The following GNAI1 variants were observed in gnomAD, a reference collection of about 807,000 sequenced individuals.
The protein encoded by GNAI1 is guanine nucleotide-binding protein G(i) subunit alpha-1.
In GNAI1, 11 loss-of-function variants were observed where a neutral mutation model predicts 38.9. That is an observed-to-expected ratio of 0.28 (90% confidence interval 0.18 to 0.47). GNAI1 has a LOEUF of 0.47. GNAI1 is among the 20% of genes least tolerant of loss of function. GNAI1 has a pLI of 0.99. For missense variants in GNAI1, 317 were observed against 436.9 expected (o/e 0.73, Z 2.45); for synonymous variants, 166 against 145.1 (o/e 1.14, Z -1.04).
chr7:80,145,432 C>A (rs1346667359), intron 1 of GNAI1, among the ~76,000 whole-genome samples: 1 of 152,106 alleles, frequency 6.6e-6, no homozygotes, highest in Non-Finnish European at 1.5e-5. Flanking sequence ...TTGGGCTTCT[C>A]ATTCGAACTT....
chr7:80,136,103 A>C, intron 1 of GNAI1: 1 of 926,392 alleles, frequency 1.1e-6, no homozygotes, highest in Non-Finnish European at 1.3e-6. Flanking sequence ...TGTTCTTAGC[A>C]CTGTTCTGTT....
In GNAI1 at chr7:80,224,125, ACTC is replaced by A. The variant is rs1204268113; in HGVS notation, c.*6637_*6639del. ...TAGTAAGATTTACTCAAAACCACGA[ACTC>A]CTCCATTATTTAAAATATGTTAGAG... On this transcript the variant is annotated 3_prime_UTR_variant, in exon 8 of 8. Transcript: ENST00000649796. 1.4e-4 allele frequency among the ~76,000 whole-genome samples: 22 copies of A among 152,166 alleles called. No individual in the cohort carries two copies. Among genetic ancestry groups the A allele is most frequent in the Non-Finnish European group, 7.4e-5 (5 of 67,998 alleles).
chr7:80,203,393 G>A (rs1328704783), intron 4 of GNAI1, among the ~76,000 whole-genome samples: 1 of 151,764 alleles, frequency 6.6e-6, no homozygotes, highest in East Asian at 1.9e-4. Context: ...CTCATGGTGT[G>A]TATTAGCTTT....
In GNAI1 at chr7:80,218,333, A is replaced by G. The variant is rs1203923874; in HGVS notation, c.*840A>G. The stretch of plus-strand genomic sequence containing the variant: ...CTCTGAATTTTAATATTTGGCTGAT[A>G]TGAATGCATTGCCTCAAAGGTGATG... On this transcript the variant is annotated 3_prime_UTR_variant, in exon 8 of 8. Transcript: ENST00000649796. 1 of 152,120 alleles carries G rather than the reference A, an allele frequency of 6.6e-6. No homozygotes were observed. Among genetic ancestry groups the G allele is most frequent in the Non-Finnish European group, 1.5e-5 (1 of 68,000 alleles). The allele number at this position is 152,120 out of a possible 1,614,324, so 9.4% of individuals were successfully genotyped here.
At position 80,135,087 on chromosome 7, in the gene GNAI1, G is replaced by T; in HGVS notation, c.-74G>T. On this transcript the variant is annotated 5_prime_UTR_variant, in exon 1 of 8. Transcript: ENST00000649796. ...GCGTTCGAACGCCCGCTAGGAGAGAGAAAGGATTCCCCTGTGCTTGGAGCC... is the reference window on the plus strand; with the variant it reads ...GCGTTCGAACGCCCGCTAGGAGAGATAAAGGATTCCCCTGTGCTTGGAGCC... The T allele has an allele frequency of 9.7e-7, 1 of 1,028,026 alleles. No homozygotes were observed. Among genetic ancestry groups the T allele is most frequent in the Non-Finnish European group, 1.3e-6 (1 of 745,838 alleles). The allele number at this position is 1,028,026 out of a possible 1,614,324, so 63.7% of individuals were successfully genotyped here.
intron 4 of GNAI1, among the ~76,000 whole-genome samples, chr7:80,202,287 A>G (rs1788701457): frequency 6.6e-6 from 1 of 152,062 alleles, no homozygotes; most frequent in African/African-American, 2.4e-5. Context: ...ACTGGGTTTC[A>G]CCATGTTGGC....
Position 80,219,088 on chromosome 7 carries a change from C to T in GNAI1, c.*1595C>T, listed in dbSNP as rs1225696930. The T allele has an allele frequency of 6.8e-6, 1 of 147,444 alleles. No homozygotes were observed. Among genetic ancestry groups the T allele is most frequent in the East Asian group, 2.0e-4 (1 of 4,936 alleles). 9.1% of individuals were successfully genotyped at this position (147,444 alleles called of 1,614,324 possible). A position where few individuals can be genotyped will look rare whatever the true frequency, so the allele number is the denominator to read the frequency against. On this transcript the variant is annotated 3_prime_UTR_variant, in exon 8 of 8. Transcript: ENST00000649796. Reference sequence around the variant, plus strand: ...CCATAAACTATATTCATATCTGTTTCATTTGGAGGATTTTCTTCTTTGTAA... The same window carrying T: ...CCATAAACTATATTCATATCTGTTTTATTTGGAGGATTTTCTTCTTTGTAA...
intron 5 of GNAI1, 92 bp from the exon 6 acceptor site, chr7:80,210,877 A>G: frequency 1.9e-6 from 2 of 1,071,400 alleles, no homozygotes; most frequent in Non-Finnish European, 2.8e-6. Flanking sequence ...ACATTTCCAC[A>G]ACTATTCAGA....
chr7:80,212,971 T>A, intron 7 of GNAI1, 102 bp downstream of exon 7: 2 of 807,072 alleles, frequency 2.5e-6, no homozygotes, highest in South Asian at 1.8e-5. Context: ...CTTGGCTTAG[T>A]GATTCTTAGA....
At position 80,142,981 on chromosome 7, in the gene GNAI1, G is replaced by A. The variant is rs1010543265; in HGVS notation, c.118+7703G>A. Among the ~76,000 whole-genome samples the A allele has an allele frequency of 3.3e-5, 5 of 152,194 alleles. No individual in the cohort carries two copies. In the East Asian group the frequency reaches 9.6e-4, roughly 29 times the overall value. ...CTTAAAATGCATACACTATTGCAAT[G>A]TGGCATTTAATATATACTCACAACT... On this transcript the variant is annotated intron_variant, in intron 1 of 7. Transcript: ENST00000649796.
At position 80,217,359 on chromosome 7, in the gene GNAI1, A is replaced by G. The variant is rs372256817; in HGVS notation, c.931A>G (p.Asn311Asp). The G allele has an allele frequency of 6.2e-7, 1 of 1,607,038 alleles. No individual in the cohort carries two copies. The highest frequency in any genetic ancestry group is 8.5e-7 in the Non-Finnish European group (1 of 1,175,914). Reference sequence around the variant, plus strand: ...TATTCAATGTCAGTTTGAAGACCTCAATAAAAGAAAGGACACAAAGGAAAT... The same window carrying G: ...TATTCAATGTCAGTTTGAAGACCTCGATAAAAGAAAGGACACAAAGGAAAT... Reference protein sequence around the residue: ...AYIQCQFEDLNKRKDTKEIYT... With the variant: ...AYIQCQFEDLDKRKDTKEIYT... Residue 311 changes from asparagine to aspartate, a missense_variant, in exon 8 of 8, where the codon AAT (asparagine) becomes GAT (aspartate). By Grantham distance (23) the Asn-to-Asp change is conservative. Transcript: ENST00000649796.
intron 1 of GNAI1, among the ~76,000 whole-genome samples, chr7:80,139,279 T>G (rs1787481581): frequency 6.6e-6 from 1 of 152,198 alleles, no homozygotes. Context: ...CTCTCTTGCA[T>G]CTTGTCTTTC....
chr7:80,161,144 C>A (rs1787917837), intron 1 of GNAI1, among the ~76,000 whole-genome samples: 1 of 152,168 alleles, frequency 6.6e-6, no homozygotes, highest in African/African-American at 2.4e-5. Flanking sequence ...TGAGATTCTT[C>A]ATGATATTAG....
rs557080846 is a variant in GNAI1 at position 80,217,662 on chromosome 7, C to G, written c.*169C>G. The G allele has an allele frequency of 5.4e-5, 24 of 445,602 alleles. 1 individual carries two copies. In the South Asian group the frequency reaches 1.0e-3, roughly 19 times the overall value. 27.6% of individuals were successfully genotyped at this position (445,602 alleles called of 1,614,324 possible). Reference sequence around the variant, plus strand: ...TTTTTAACTGAAAGTAACAGAAGGACCTTTCTTAAATGTGACAGATGGTCC... The same window carrying G: ...TTTTTAACTGAAAGTAACAGAAGGAGCTTTCTTAAATGTGACAGATGGTCC... On this transcript the variant is annotated 3_prime_UTR_variant, in exon 8 of 8. Coordinates refer to ENST00000649796, the MANE Select transcript of GNAI1 (RefSeq NM_002069.6).
intron 4 of GNAI1, among the ~76,000 whole-genome samples, chr7:80,200,779 C>T (rs183270451): frequency 8.3e-5 from 12 of 144,358 alleles, no homozygotes; most frequent in Admixed American, 3.4e-4. Flanking sequence ...CTTGTATTAA[C>T]CATATGTATT....
At chr7:80,187,868 T>G (rs374483109) in intron 1 of GNAI1, among the ~76,000 whole-genome samples, 2 of 152,304 alleles carry the variant, frequency 1.3e-5, no homozygotes, top group African/African-American at 4.8e-5. Context: ...TAATTTGGTA[T>G]AAAGATAGCA....
intron 6 of GNAI1, among the ~76,000 whole-genome samples, chr7:80,211,419 C>CTTTTTTT (rs71076502): frequency 7.2e-6 from 1 of 138,814 alleles, no homozygotes; most frequent in African/African-American, 2.6e-5. Context: ...TTTAGTAAAT[C>CTTTTTTT]TTTTTTTTTT....
At chr7:80,213,433 G>A (rs1197093019) in intron 7 of GNAI1, among the ~76,000 whole-genome samples, 1 of 152,190 alleles carries the variant, frequency 6.6e-6, no homozygotes, top group Non-Finnish European at 1.5e-5. Context: ...GAGGAAAGTA[G>A]ACCTGAAGTA....
intron 5 of GNAI1, among the ~76,000 whole-genome samples, chr7:80,206,536 G>A (rs1032551761): frequency 3.3e-5 from 5 of 151,974 alleles, no homozygotes; most frequent in Admixed American, 2.0e-4. Context: ...AAACTAAGAA[G>A]TGATTTTAAT....
Sources: allele counts gnomAD v4.1 joint callset (sites outside exome capture counted in the v4.1 genomes callset), GRCh38; gene constraint gnomAD v4.1.1; transcripts MANE v1.5; gene names NCBI Gene and HGNC (gene_info 2026-07-23, HGNC 2026-07-21).